The following IL1RAPL1 variants were observed in gnomAD, a reference collection of about 807,000 sequenced individuals.
IL1RAPL1 encodes interleukin-1 receptor accessory protein-like 1.
Under a neutral mutation model 48.4 loss-of-function variants are expected in IL1RAPL1, and 3 were observed. The observed-to-expected ratio is 0.06, with a 90% CI of 0.03 to 0.16. IL1RAPL1 has a LOEUF of 0.16. Ranked by LOEUF, IL1RAPL1 falls within the 10% of genes least tolerant of loss-of-function variation. IL1RAPL1 has a pLI of 1.00. For synonymous variants in IL1RAPL1, 185 were observed against 187.7 expected, an observed-to-expected ratio of 0.99 and a Z score of 0.12; for missense variants, 349 against 530.6, an observed-to-expected ratio of 0.66 and a Z score of 3.36.
chrX:29,701,766 A>G (rs1353312924), intron 6 of IL1RAPL1, among the ~76,000 whole-genome samples: 1 of 111,483 alleles, frequency 9.0e-6, no homozygotes, highest in Admixed American at 9.5e-5. Flanking sequence ...TGAGCAGTGT[A>G]CTGATGCCTC....
chrX:29,201,525 C>A (rs1930554664), intron 2 of IL1RAPL1, among the ~76,000 whole-genome samples: 1 of 111,467 alleles, frequency 9.0e-6, no homozygotes, highest in African/African-American at 3.3e-5. Flanking sequence ...AGAGTCCCTT[C>A]CAGAGAGTCC....
chrX:29,880,969 C>G (rs1932016601), intron 6 of IL1RAPL1, among the ~76,000 whole-genome samples: 1 of 111,423 alleles, frequency 9.0e-6, no homozygotes, highest in South Asian at 3.8e-4. Context: ...CAACCACATT[C>G]AAAAATAGAT....
intron 2 of IL1RAPL1, among the ~76,000 whole-genome samples, chrX:28,797,613 C>G (rs73630088): frequency 1.8e-5 from 2 of 111,505 alleles, no homozygotes; most frequent in East Asian, 5.6e-4. Flanking sequence ...CATCTCAGAA[C>G]GCCTCAGCCC....
intron 5 of IL1RAPL1, among the ~76,000 whole-genome samples, chrX:29,486,268 G>A (rs1350431156): frequency 9.0e-6 from 1 of 110,870 alleles, no homozygotes; most frequent in East Asian, 2.8e-4. Context: ...CATGGCATTA[G>A]TGTGTTGTTC....
intron 2 of IL1RAPL1, among the ~76,000 whole-genome samples, chrX:28,800,847 T>TTTTA (rs201705177): frequency 0.13 from 12,425 of 93,638 alleles, 864 homozygotes; most frequent in East Asian, 0.22. Flanking sequence ...ATTAAAGGGA[T>TTTTA]TTTATTTATT....
At chrX:29,873,387 CCA>C (rs1491415273) in intron 6 of IL1RAPL1, among the ~76,000 whole-genome samples, 1,616 of 106,816 alleles carry the variant, frequency 0.015, 30 homozygotes, top group African/African-American at 0.052. Flanking sequence ...TGCCCCCCCC[CCA>C]ATTATATGTT....
chrX:29,021,729 T>C (rs1318675657), intron 2 of IL1RAPL1, among the ~76,000 whole-genome samples: 3 of 111,840 alleles, frequency 2.7e-5, no homozygotes, highest in Non-Finnish European at 5.6e-5. Flanking sequence ...ACTGTCTTCG[T>C]CTATGCCTAA....
At chrX:28,884,081 C>T (rs1237477807) in intron 2 of IL1RAPL1, among the ~76,000 whole-genome samples, 5 of 111,397 alleles carry the variant, frequency 4.5e-5, no homozygotes, top group Non-Finnish European at 7.5e-5. Flanking sequence ...TGCTAGATGA[C>T]GAGTTAGTGG....
At chrX:29,725,735 A>G (rs1684002433) in intron 6 of IL1RAPL1, among the ~76,000 whole-genome samples, 1 of 112,175 alleles carries the variant, frequency 8.9e-6, no homozygotes, top group Admixed American at 9.5e-5. Flanking sequence ...GTGTATATCC[A>G]TCTATATCCA....
intron 1 of IL1RAPL1, among the ~76,000 whole-genome samples, chrX:28,716,034 C>T (rs1441107793): frequency 8.9e-6 from 1 of 112,233 alleles, no homozygotes; most frequent in Non-Finnish European, 1.9e-5. Flanking sequence ...GTTCAACATA[C>T]ACAAATCAGT....
intron 5 of IL1RAPL1, among the ~76,000 whole-genome samples, chrX:29,646,446 C>T (rs1034152564): frequency 9.0e-6 from 1 of 111,247 alleles, no homozygotes; most frequent in Non-Finnish European, 1.9e-5. Context: ...AGAAAGCTTA[C>T]TTTGGGGATA....
rs924695131 is a variant in IL1RAPL1 at position 29,835,835 on chromosome X, A to T, written c.779-81629A>T. ...TAATACGTTGTATTTCTGTGGTATC[A>T]ATTGTAATGTCTCCTTTTATCTTTG... On this transcript the variant is annotated intron_variant, in intron 6 of 10. Transcript: ENST00000378993. Among the ~76,000 whole-genome samples the T allele has an allele frequency of 2.8e-5, 3 of 106,685 alleles. No individual in the cohort carries two copies. In the East Asian group the frequency reaches 8.7e-4, roughly 31 times the overall value. The allele number at this position is 106,685 out of a possible 115,157, so 92.6% of individuals were successfully genotyped here. A position where few individuals can be genotyped will look rare whatever the true frequency, so the allele number is the denominator to read the frequency against.
intron 2 of IL1RAPL1, among the ~76,000 whole-genome samples, chrX:28,874,773 A>G (rs1922324552): frequency 8.9e-6 from 1 of 112,346 alleles, no homozygotes; most frequent in Non-Finnish European, 1.9e-5. Flanking sequence ...CCAAGTTGGC[A>G]TGAGTTAGCA....
At chrX:29,368,375 G>C (rs1205912501) in intron 3 of IL1RAPL1, among the ~76,000 whole-genome samples, 1 of 111,007 alleles carries the variant, frequency 9.0e-6, no homozygotes, top group Non-Finnish European at 1.9e-5. Flanking sequence ...ATGTGTTTCT[G>C]TTTTTGTTTG....
chrX:28,784,447 A>G (rs994820395), intron 1 of IL1RAPL1, among the ~76,000 whole-genome samples: 6 of 112,074 alleles, frequency 5.4e-5, no homozygotes, highest in African/African-American at 3.2e-5. Flanking sequence ...GAAAATGTCT[A>G]TAATTAAATG....
At chrX:29,562,656 CAG>C (rs748602781) in intron 5 of IL1RAPL1, among the ~76,000 whole-genome samples, 53 of 111,628 alleles carry the variant, frequency 4.7e-4, no homozygotes, top group Middle Eastern at 9.3e-3. Flanking sequence ...TACATGTTGT[CAG>C]AGAGTATTTG....
chrX:29,372,773 C>CTTT lies in IL1RAPL1; in HGVS notation c.363-23464_363-23462dup, dbSNP rs1160543169. ...TGTTCTATTCCATTGGTCTATGTGT[C>CTTT]TTTTTTTTTTTTTTTTTTTTTTTGT... On this transcript the variant is annotated intron_variant, in intron 3 of 10. Transcript: ENST00000378993. Among the ~76,000 whole-genome samples the CTTT allele has an allele frequency of 3.9e-3, 248 of 63,472 alleles. 10 individuals carry two copies. Among genetic ancestry groups the CTTT allele is most frequent in the African/African-American group, 0.011 (172 of 15,768 alleles). 55.1% of individuals were successfully genotyped at this position (63,472 alleles called of 115,157 possible). A position where few individuals can be genotyped will look rare whatever the true frequency, so the allele number is the denominator to read the frequency against.
At chrX:29,629,794 C>A (rs1393227948) in intron 5 of IL1RAPL1, among the ~76,000 whole-genome samples, 1 of 111,764 alleles carries the variant, frequency 8.9e-6, no homozygotes, top group Non-Finnish European at 1.9e-5. Context: ...ACGAAAAGAT[C>A]AAATCTCTCT....
At chrX:29,446,782 T>C (rs1342612184) in intron 5 of IL1RAPL1, among the ~76,000 whole-genome samples, 1 of 111,584 alleles carries the variant, frequency 9.0e-6, no homozygotes, top group African/African-American at 3.3e-5. Flanking sequence ...CCTCAAGAAA[T>C]AATGCCCAGT....
Sources: gnomAD v4.1 joint callset for allele counts (sites outside exome capture counted in the v4.1 genomes callset) on GRCh38, gnomAD v4.1.1 for gene constraint, MANE v1.5 for transcripts, NCBI Gene and HGNC (gene_info 2026-07-23, HGNC 2026-07-21) for gene names.